FOXP2: variants seen among roughly 807,000 people sequenced by gnomAD.
FOXP2 encodes forkhead box protein P2.
In FOXP2, 12 loss-of-function variants were observed where a neutral mutation model predicts 115.8. The observed-to-expected ratio is 0.10, with a 90% CI of 0.07 to 0.17. The LOEUF (loss-of-function observed/expected upper bound fraction) is 0.17, where lower values mean the gene tolerates loss of function less well. Ranked by LOEUF, FOXP2 falls within the 10% of genes least tolerant of loss-of-function variation. The pLI, the probability that FOXP2 is intolerant of heterozygous loss-of-function variation, is 1.00. For missense variants in FOXP2, 629 were observed against 843.5 expected (o/e 0.75, Z 3.15); for synonymous variants, 328 against 297.7 (o/e 1.10, Z -1.05).
At chr7:114,117,981 T>C (rs757029792) in intron 1 of FOXP2, among the ~76,000 whole-genome samples, 51 of 152,086 alleles carry the variant, frequency 3.4e-4, no homozygotes, top group Non-Finnish European at 5.9e-4. Context: ...TATGATCGTA[T>C]CTTATTCTAA....
At chr7:114,681,304 C>T (rs1268357243) in intron 16 of FOXP2, among the ~76,000 whole-genome samples, 1 of 152,088 alleles carries the variant, frequency 6.6e-6, no homozygotes, top group African/African-American at 2.4e-5. Context: ...TGACTCAATC[C>T]ACAGCATAAA....
chr7:114,250,366 G>A (rs1056815529), intron 1 of FOXP2, among the ~76,000 whole-genome samples: 24 of 152,236 alleles, frequency 1.6e-4, no homozygotes, highest in African/African-American at 5.8e-4. Context: ...TTGAGGAATC[G>A]CCACACTGAC....
chr7:114,514,788 A>G (rs1450290991), intron 2 of FOXP2, among the ~76,000 whole-genome samples: 1 of 151,746 alleles, frequency 6.6e-6, no homozygotes, highest in Non-Finnish European at 1.5e-5. Context: ...ACATATGTAT[A>G]CATGTGCCAT....
intron 1 of FOXP2, among the ~76,000 whole-genome samples, chr7:114,421,170 G>A (rs776144965): frequency 2.0e-5 from 3 of 151,468 alleles, no homozygotes; most frequent in Admixed American, 6.6e-5. Flanking sequence ...AAGTGAAATA[G>A]CATAGGGATT....
intron 2 of FOXP2, among the ~76,000 whole-genome samples, chr7:114,489,690 T>C (rs1796944013): frequency 6.6e-6 from 1 of 152,042 alleles, no homozygotes; most frequent in East Asian, 1.9e-4. Context: ...TAAACCTTCA[T>C]TTCCAACTGT....
Position 114,692,801 on chromosome 7 carries a change from T to G in FOXP2, c.*2875T>G, listed in dbSNP as rs1808737408. Reference sequence around the variant, plus strand: ...AAACTGTAGCACAAACATCTGTTTATGTATTGGTGGAATATACCTGTTTTA... The same window carrying G: ...AAACTGTAGCACAAACATCTGTTTAGGTATTGGTGGAATATACCTGTTTTA... On this transcript the variant is annotated 3_prime_UTR_variant, in exon 17 of 17. Transcript: ENST00000350908. 6.7e-6 allele frequency: 3 copies of G among 446,886 alleles called. No individual in the cohort carries two copies. Among genetic ancestry groups the G allele is most frequent in the Non-Finnish European group, 1.3e-5 (3 of 223,374 alleles). The allele number at this position is 446,886 out of a possible 1,614,324, so 27.7% of individuals were successfully genotyped here.
chr7:114,240,224 T>C (rs60294487), intron 1 of FOXP2, among the ~76,000 whole-genome samples: 11,936 of 152,120 alleles, frequency 0.078, 1,153 homozygotes, highest in African/African-American at 0.23. Context: ...TTTTGTTGGT[T>C]GGGGGGAGGA....
chr7:114,620,910 G>A (rs1804215514), intron 3 of FOXP2, among the ~76,000 whole-genome samples: 2 of 151,976 alleles, frequency 1.3e-5, no homozygotes, highest in Non-Finnish European at 2.9e-5. Flanking sequence ...AGGTATGACA[G>A]ACCTAGGGGT....
chr7:114,274,779 C>T (rs1193580759), intron 1 of FOXP2, among the ~76,000 whole-genome samples: 2 of 151,486 alleles, frequency 1.3e-5, no homozygotes, highest in South Asian at 2.1e-4. Context: ...CCATGCCCGA[C>T]TAGTTTTTTT....
At chr7:114,505,694 C>CATTTAAA (rs1472974943) in intron 2 of FOXP2, among the ~76,000 whole-genome samples, 1 of 151,254 alleles carries the variant, frequency 6.6e-6, no homozygotes, top group Non-Finnish European at 1.5e-5. Context: ...TTTTTAAAAC[C>CATTTAAA]ACGTCATAGA....
chr7:114,117,582 G>A (rs1254331820), intron 1 of FOXP2, among the ~76,000 whole-genome samples: 1 of 151,966 alleles, frequency 6.6e-6, no homozygotes, highest in East Asian at 1.9e-4. Context: ...ACCATTGAGA[G>A]GGATCTTAAA....
chr7:114,426,815 G>A, intron 2 of FOXP2, 136 bp downstream of exon 2: 1 of 953,132 alleles, frequency 1.0e-6, no homozygotes, highest in Non-Finnish European at 1.6e-6. Flanking sequence ...TTTGGAACAT[G>A]ATTGAAGGAT....
chr7:114,328,526 G>T (rs1279583245), intron 2 of FOXP2, among the ~76,000 whole-genome samples: 2 of 152,032 alleles, frequency 1.3e-5, no homozygotes, highest in Non-Finnish European at 2.9e-5. Flanking sequence ...GTGAGCCACC[G>T]CGCCCAGCCT....
At position 114,664,394 on chromosome 7, in the gene FOXP2, G is replaced by A. The variant is rs768186362; in HGVS notation, c.1961G>A (p.Ser654Asn). The change falls in exon 16 of 17, where the codon AGC becomes AAC. Residue 654 changes from serine to asparagine, a missense_variant. Physicochemically the swap from Ser to Asn is conservative, Grantham distance 46. Around this residue, in one of 9 missense-constraint regions of FOXP2, gnomAD observed 117 missense variants for 112.3 expected, o/e 1.04. Transcript: ENST00000350908. Reference protein sequence around the residue: ...DLNGSLDHIDSNGNSSPGCSP... With the variant: ...DLNGSLDHIDNNGNSSPGCSP... ...AATGGTTCTCTGGATCACATTGACAGCAATGGAAACAGTAGTCCGGGCTGC... is the reference window on the plus strand; with the variant it reads ...AATGGTTCTCTGGATCACATTGACAACAATGGAAACAGTAGTCCGGGCTGC... 1.2e-6 allele frequency: 2 copies of A among 1,613,536 alleles called. No homozygotes were observed. The highest frequency in any genetic ancestry group is 1.7e-6 in the Non-Finnish European group (2 of 1,179,678).
intron 1 of FOXP2, among the ~76,000 whole-genome samples, chr7:114,172,328 TCAG>T (rs1793168515): frequency 2.0e-5 from 3 of 152,092 alleles, no homozygotes; most frequent in Non-Finnish European, 4.4e-5. Flanking sequence ...GTAAAACTTA[TCAG>T]TGGTTGCCAG....
intron 2 of FOXP2, among the ~76,000 whole-genome samples, chr7:114,516,385 C>T (rs1798345188): frequency 6.6e-6 from 1 of 152,052 alleles, no homozygotes; most frequent in Non-Finnish European, 1.5e-5. Flanking sequence ...GGATCCCTTC[C>T]TTACACCTTA....
At chr7:114,453,715 A>G (rs1795165568) in intron 2 of FOXP2, among the ~76,000 whole-genome samples, 1 of 151,946 alleles carries the variant, frequency 6.6e-6, no homozygotes, top group Non-Finnish European at 1.5e-5. Context: ...TTTTTGTGGG[A>G]ATCTGTTTCT....
intron 2 of FOXP2, among the ~76,000 whole-genome samples, chr7:114,398,983 T>C (rs1792810501): frequency 0.022 from 1 of 46 alleles, no homozygotes; most frequent in Non-Finnish European, 0.042. Flanking sequence ...AAGTCATATC[T>C]TCACTGTTGT....
At chr7:114,333,146 A>G (rs1444211051) in intron 2 of FOXP2, among the ~76,000 whole-genome samples, 2 of 152,220 alleles carry the variant, frequency 1.3e-5, no homozygotes, top group Non-Finnish European at 1.5e-5. Context: ...CAGTGACTCC[A>G]TGCCTCATAT....
Sources: gnomAD v4.1 joint callset for allele counts (sites outside exome capture counted in the v4.1 genomes callset) on GRCh38, gnomAD v4.1.1 for gene constraint, gnomAD v4.1.1 regional missense constraint, MANE v1.5 for transcripts, NCBI Gene and HGNC (gene_info 2026-07-23, HGNC 2026-07-21) for gene names.